Variants in TMC1 observed in about 807,000 individuals in gnomAD.
The protein encoded by TMC1 is transmembrane channel like 1.
A neutral mutation model predicts 105.8 loss-of-function variants in TMC1; 84 were observed. That is an observed-to-expected ratio of 0.79 (90% confidence interval 0.67 to 0.95). TMC1 has a LOEUF of 0.95. Ranked by LOEUF, TMC1 falls within the 40% of genes least tolerant of loss-of-function variation. The pLI, the probability that TMC1 is intolerant of heterozygous loss-of-function variation, is 0.00. For synonymous variants in TMC1, 315 were observed against 311.5 expected, an observed-to-expected ratio of 1.01 and a Z score of -0.12; for missense variants, 817 against 914.1, an observed-to-expected ratio of 0.89 and a Z score of 1.37.
intron 13 of TMC1, among the ~76,000 whole-genome samples, chr9:72,773,004 A>G (rs1025358487): frequency 1.3e-5 from 2 of 152,142 alleles, no homozygotes; most frequent in Non-Finnish European, 2.9e-5. Context: ...AAAAAATTTT[A>G]GCTGTGTAAG....
chr9:72,789,847 C>G (rs981789990), intron 15 of TMC1, among the ~76,000 whole-genome samples: 1 of 152,192 alleles, frequency 6.6e-6, no homozygotes, highest in Non-Finnish European at 1.5e-5. Context: ...CTGGGCTTCC[C>G]TCTGTTTTCA....
intron 6 of TMC1, among the ~76,000 whole-genome samples, chr9:72,692,162 G>A (rs1175518154): frequency 6.6e-6 from 1 of 152,096 alleles, no homozygotes; most frequent in Non-Finnish European, 1.5e-5. Flanking sequence ...TGCTCTCATT[G>A]GTTCCTAACC....
intron 5 of TMC1, among the ~76,000 whole-genome samples, chr9:72,650,616 C>A (rs1249899068): frequency 6.6e-6 from 1 of 151,620 alleles, no homozygotes; most frequent in African/African-American, 2.4e-5. Context: ...TGTCCAGAAC[C>A]CAATAGTTTA....
Position 72,570,863 on chromosome 9 carries a change from A to G in TMC1, c.-427-7039A>G, listed in dbSNP as rs1366421439. On this transcript the variant is annotated intron_variant, in intron 1 of 23. Transcript: ENST00000297784. ...ACCACCATGCTTGGCTAATTTTTGT[A>G]TTTTTAGTAGAGATGGGGTTTTGCC... is the stretch of plus-strand genomic sequence containing the variant. 2.7e-5 allele frequency among the ~76,000 whole-genome samples: 4 copies of G among 149,088 alleles called. No individual in the cohort carries two copies. The East Asian group carries it at 8.0e-4, about 30-fold the overall frequency.
intron 2 of TMC1, among the ~76,000 whole-genome samples, chr9:72,614,509 A>G (rs1018617302): frequency 6.6e-6 from 1 of 152,200 alleles, no homozygotes; most frequent in Non-Finnish European, 1.5e-5. Context: ...CGTCTTGAGA[A>G]AAACAGTGGA....
At position 72,788,354 on chromosome 9, in the gene TMC1, T is replaced by C. The variant is rs1462963712; in HGVS notation, c.900T>C (p.Ile300=). The change falls in exon 14 of 24, where the codon ATT becomes ATC. Residue 300 remains isoleucine, a synonymous_variant. Transcript: ENST00000297784. ...LVVLKAMTKN[I]GDDGGGDDNT... Reference sequence around the variant, plus strand: ...GTTTTTGCAGAATGACCAAAAACATTGGTGATGATGGAGGTGGAGATGACA... The same window carrying C: ...GTTTTTGCAGAATGACCAAAAACATCGGTGATGATGGAGGTGGAGATGACA... The C allele has an allele frequency of 6.2e-7, 1 of 1,614,072 alleles. No individual in the cohort carries two copies.
At chr9:72,759,169 A>C (rs1035358596) in intron 12 of TMC1, among the ~76,000 whole-genome samples, 1 of 152,122 alleles carries the variant, frequency 6.6e-6, no homozygotes, top group African/African-American at 2.4e-5. Context: ...CATGGCCCCA[A>C]GAGGTGTGAT....
At chr9:72,650,810 G>A (rs1825792163) in intron 5 of TMC1, among the ~76,000 whole-genome samples, 1 of 148,452 alleles carries the variant, frequency 6.7e-6, no homozygotes, top group Admixed American at 6.8e-5. Context: ...CTCCATCCAC[G>A]TTCCCACATA....
At chr9:72,784,125 A>G (rs779643292) in intron 13 of TMC1, among the ~76,000 whole-genome samples, 2 of 152,196 alleles carry the variant, frequency 1.3e-5, no homozygotes, top group African/African-American at 2.4e-5. Flanking sequence ...AACAGACTAA[A>G]CAGACAACCA....
intron 13 of TMC1, among the ~76,000 whole-genome samples, chr9:72,775,346 T>C (rs1473277961): frequency 1.3e-5 from 2 of 152,092 alleles, no homozygotes; most frequent in African/African-American, 4.8e-5. Flanking sequence ...GTTACATAAG[T>C]ATTAAAAGCA....
At chr9:72,649,827 A>G (rs1825771590) in intron 5 of TMC1, among the ~76,000 whole-genome samples, 2 of 152,196 alleles carry the variant, frequency 1.3e-5, no homozygotes, top group African/African-American at 4.8e-5. Context: ...CAAGTTCCTC[A>G]GGCTATTTAG....
At chr9:72,722,460 C>T (rs1027096811) in intron 8 of TMC1, among the ~76,000 whole-genome samples, 3 of 152,098 alleles carry the variant, frequency 2.0e-5, no homozygotes, top group African/African-American at 4.8e-5. Context: ...TCTGCCAACG[C>T]CCATAGAAAT....
At chr9:72,789,044 G>T in intron 14 of TMC1, 79 bp from the exon 15 acceptor site, 1 of 1,376,926 alleles carries the variant, frequency 7.3e-7, no homozygotes, top group Non-Finnish European at 1.0e-6. Context: ...AATAACTTTT[G>T]AGGTTTTGAT....
At chr9:72,551,791 C>A (rs1823863860) in intron 1 of TMC1, among the ~76,000 whole-genome samples, 1 of 151,996 alleles carries the variant, frequency 6.6e-6, no homozygotes, top group Admixed American at 6.6e-5. Flanking sequence ...GGCTCTGATC[C>A]AATATGGCCG....
At position 72,815,846 on chromosome 9, in the gene TMC1, T is replaced by C. The variant is rs115032599; in HGVS notation, c.1696-297T>C. On this transcript the variant is annotated intron_variant, in intron 18 of 23. Transcript: ENST00000297784. ...AAAGCTTTTAATATGTACTGTCAAA[T>C]TGTTTTTCTGAAAGGTTGCTACAGT... Among the ~76,000 whole-genome samples the C allele has an allele frequency of 4.4e-3, 669 of 152,316 alleles. 3 individuals are homozygous for C. The highest frequency in any genetic ancestry group is 0.015 in the African/African-American group (625 of 41,586).
chr9:72,830,738 CTTTTT>C (rs71495342), intron 23 of TMC1, 56 bp downstream of exon 23: 25 of 1,146,682 alleles, frequency 2.2e-5, no homozygotes, highest in African/African-American at 5.3e-5. Context: ...CTTTTTCTTT[CTTTTT>C]TTTTTTTTTT....
At chr9:72,615,252 C>T (rs568336119) in intron 2 of TMC1, among the ~76,000 whole-genome samples, 1 of 152,178 alleles carries the variant, frequency 6.6e-6, no homozygotes, top group East Asian at 1.9e-4. Context: ...GAGGGGTGTG[C>T]AATTATTGTC....
At chr9:72,658,905 A>C (rs957865570) in intron 5 of TMC1, among the ~76,000 whole-genome samples, 2 of 152,214 alleles carry the variant, frequency 1.3e-5, no homozygotes, top group Non-Finnish European at 2.9e-5. Flanking sequence ...AAGAACTTAC[A>C]AATTTTTCCA....
chr9:72,725,325 G>GTATGTATATATA (rs1554723230), intron 8 of TMC1, among the ~76,000 whole-genome samples: 3 of 77,684 alleles, frequency 3.9e-5, no homozygotes, highest in Non-Finnish European at 5.6e-5. Context: ...ATGTGTGTAT[G>GTATGTATATATA]TATATATATA....
Sources: allele counts gnomAD v4.1 joint callset (sites outside exome capture counted in the v4.1 genomes callset), GRCh38; gene constraint gnomAD v4.1.1; transcripts MANE v1.5; gene names NCBI Gene and HGNC (gene_info 2026-07-23, HGNC 2026-07-21).